SPAG16: variants seen among roughly 807,000 people sequenced by gnomAD.
SPAG16 encodes the protein sperm-associated antigen 16 protein.
SPAG16 carries 86 observed loss-of-function variants against 80.4 expected under a neutral mutation model. The observed-to-expected ratio is 1.07, with a 90% CI of 0.90 to 1.28. The LOEUF (loss-of-function observed/expected upper bound fraction) is 1.28. Among genes scored for constraint, SPAG16 ranks in the 50% most tolerant of loss-of-function variants. The pLI is 0.00. For synonymous variants in SPAG16, 294 were observed against 265.9 expected, an observed-to-expected ratio of 1.11 and a Z score of -1.03; for missense variants, 870 against 765.3, an observed-to-expected ratio of 1.14 and a Z score of -1.61.
intron 10 of SPAG16, among the ~76,000 whole-genome samples, chr2:213,700,158 G>C (rs2065342266): frequency 6.6e-6 from 1 of 151,638 alleles, no homozygotes; most frequent in Non-Finnish European, 1.5e-5. Flanking sequence ...AATGCCATAA[G>C]AGCAAATGTC....
rs939284531 is a variant in SPAG16, at chr2:214,059,065, T to C, written c.1527+44988T>C. Among the ~76,000 whole-genome samples, 4 of 151,588 alleles carry C rather than the reference T, an allele frequency of 2.6e-5. No homozygotes were observed. The East Asian group carries it at 7.8e-4, about 29-fold the overall frequency. ...AATGGTTTTACCTTTCAAAATATCTTGCTCGGGAGGCTGAGGCAAGAGAAT... is the reference window on the plus strand; with the variant it reads ...AATGGTTTTACCTTTCAAAATATCTCGCTCGGGAGGCTGAGGCAAGAGAAT... On this transcript the variant is annotated intron_variant, in intron 13 of 15. Transcript: ENST00000331683.
At chr2:213,986,240 A>G (rs1575737543) in intron 12 of SPAG16, among the ~76,000 whole-genome samples, 1 of 152,180 alleles carries the variant, frequency 6.6e-6, no homozygotes, top group East Asian at 1.9e-4. Flanking sequence ...GCATTTTAAG[A>G]TGAGGAAATA....
chr2:214,191,482 G>A (rs2057661503), intron 15 of SPAG16, among the ~76,000 whole-genome samples: 1 of 152,012 alleles, frequency 6.6e-6, no homozygotes, highest in Non-Finnish European at 1.5e-5. Context: ...GGAGACCAAG[G>A]TGGGCAGATT....
chr2:214,268,877 C>T (rs963353162), intron 15 of SPAG16, among the ~76,000 whole-genome samples: 4 of 151,864 alleles, frequency 2.6e-5, no homozygotes, highest in Non-Finnish European at 4.4e-5. Context: ...ACGCTTTTCC[C>T]TATGCTATTC....
intron 10 of SPAG16, among the ~76,000 whole-genome samples, chr2:213,791,459 A>C (rs1382645669): frequency 1.3e-5 from 2 of 152,072 alleles, no homozygotes; most frequent in Admixed American, 1.3e-4. Context: ...TCAACTCCTG[A>C]CTAGATAATC....
At chr2:213,862,699 T>A in intron 11 of SPAG16, 71 bp downstream of exon 11, 1 of 1,528,184 alleles carries the variant, frequency 6.5e-7, no homozygotes, top group Non-Finnish European at 9.0e-7. Flanking sequence ...GTCTGCTCAC[T>A]CTGCTGTCTT....
rs35564156 is a variant in SPAG16 at position 214,037,864 on chromosome 2, GGTGTGTGTGTGTGTGTGTGTGT to G, written c.1527+23816_1527+23837del. ...GCTCTGTTATTATTCCCAGAAGCCT[GGTGTGTGTGTGTGTGTGTGTGT>G]GTGTGTGTGTGTGTGTGTGTGTGTG... On this transcript the variant is annotated intron_variant, in intron 13 of 15. Transcript: ENST00000331683. Among the ~76,000 whole-genome samples, 68 of 133,706 alleles carry G rather than the reference GGTGTGTGTGTGTGTGTGTGTGT, an allele frequency of 5.1e-4. 1 individual carries two copies. Among genetic ancestry groups the G allele is most frequent in the African/African-American group, 1.3e-3 (45 of 33,910 alleles). The allele number at this position is 133,706 out of a possible 152,430, so 87.7% of individuals were successfully genotyped here. A position where few individuals can be genotyped will look rare whatever the true frequency, so the allele number is the denominator to read the frequency against.
chr2:213,885,897 A>G (rs769135137), intron 11 of SPAG16, among the ~76,000 whole-genome samples: 2 of 152,220 alleles, frequency 1.3e-5, no homozygotes, highest in Non-Finnish European at 2.9e-5. Flanking sequence ...TCTGAATTAC[A>G]TATTTTTACA....
At chr2:214,109,184 T>G (rs1272697129) in intron 14 of SPAG16, among the ~76,000 whole-genome samples, 2 of 152,118 alleles carry the variant, frequency 1.3e-5, no homozygotes, top group Non-Finnish European at 2.9e-5. Context: ...CTGTGAGAAA[T>G]AAATTTATTT....
intron 15 of SPAG16, among the ~76,000 whole-genome samples, chr2:214,187,444 C>A (rs1451636909): frequency 6.6e-6 from 1 of 152,084 alleles, no homozygotes; most frequent in Non-Finnish European, 1.5e-5. Flanking sequence ...ATTATTAAAT[C>A]TAAGTACTCA....
intron 10 of SPAG16, among the ~76,000 whole-genome samples, chr2:213,704,192 T>A (rs764496781): frequency 2.0e-5 from 3 of 152,192 alleles, no homozygotes; most frequent in Non-Finnish European, 4.4e-5. Context: ...CATCCTTAAT[T>A]CTGTCAGGAT....
At chr2:214,264,255 T>C (rs1033761148) in intron 15 of SPAG16, among the ~76,000 whole-genome samples, 4 of 152,166 alleles carry the variant, frequency 2.6e-5, no homozygotes, top group Non-Finnish European at 4.4e-5. Flanking sequence ...GTGTACCTTA[T>C]ATAAATTAAA....
chr2:213,444,267 T>A (rs149065501), intron 9 of SPAG16, among the ~76,000 whole-genome samples: 6 of 152,320 alleles, frequency 3.9e-5, no homozygotes, highest in Non-Finnish European at 7.4e-5. Flanking sequence ...CTCTCCTGAT[T>A]ATAAAAAACT....
chr2:213,897,433 T>C (rs1290212560), intron 11 of SPAG16, among the ~76,000 whole-genome samples: 1 of 152,226 alleles, frequency 6.6e-6, no homozygotes, highest in African/African-American at 2.4e-5. Flanking sequence ...TTGCAATATA[T>C]TTTAAACTTC....
At chr2:213,747,855 G>A (rs1056773762) in intron 10 of SPAG16, among the ~76,000 whole-genome samples, 3 of 152,154 alleles carry the variant, frequency 2.0e-5, no homozygotes, top group Non-Finnish European at 2.9e-5. Flanking sequence ...TGTCTGTAAC[G>A]TTTGAATCAG....
At chr2:213,584,562 A>G (rs1249887878) in intron 10 of SPAG16, among the ~76,000 whole-genome samples, 59 of 152,110 alleles carry the variant, frequency 3.9e-4, no homozygotes, top group Non-Finnish European at 1.0e-4. Context: ...TGTGTCAGAA[A>G]CTAGATAGGG....
At chr2:214,365,104 C>T (rs947501529) in intron 15 of SPAG16, among the ~76,000 whole-genome samples, 37 of 152,120 alleles carry the variant, frequency 2.4e-4, no homozygotes, top group Admixed American at 1.3e-3. Flanking sequence ...GGAAGAGAGA[C>T]GATAACTGAG....
chr2:214,220,291 T>G (rs1219505266), intron 15 of SPAG16, among the ~76,000 whole-genome samples: 1 of 152,142 alleles, frequency 6.6e-6, no homozygotes, highest in African/African-American at 2.4e-5. Flanking sequence ...CTTAGATGAT[T>G]TTAAATGACT....
At position 214,338,645 on chromosome 2, in the gene SPAG16, T is replaced by A. The variant is rs187124745; in HGVS notation, c.1721-71495T>A. Among the ~76,000 whole-genome samples, 6 of 152,342 alleles carry A rather than the reference T, an allele frequency of 3.9e-5. No individual in the cohort carries two copies. The East Asian group carries it at 1.2e-3, about 29-fold the overall frequency. On this transcript the variant is annotated intron_variant, in intron 15 of 15. Transcript: ENST00000331683. ...GGACCTTTATTATCAACATAGCTTC[T>A]AAATAAGGATGCTCCATAATAGAAT...
Sources: allele counts gnomAD v4.1 joint callset (sites outside exome capture counted in the v4.1 genomes callset), GRCh38; gene constraint gnomAD v4.1.1; transcripts MANE v1.5; gene names NCBI Gene and HGNC (gene_info 2026-07-23, HGNC 2026-07-21).